Variants in RAD51B observed in about 807,000 individuals in gnomAD.
RAD51B encodes DNA repair protein RAD51 homolog 2.
In RAD51B, 38 loss-of-function variants were observed where a neutral mutation model predicts 42.2. That is an observed-to-expected ratio of 0.90 (90% CI 0.70 to 1.18). The LOEUF is 1.18. RAD51B is among the 50% of genes most tolerant of loss of function. The pLI is 0.00. For missense variants in RAD51B, 373 were observed against 400.7 expected (o/e 0.93, Z 0.59); for synonymous variants, 154 against 145.2 (o/e 1.06, Z -0.43).
intron 8 of RAD51B, among the ~76,000 whole-genome samples, chr14:68,328,748 G>A (rs2082293096): frequency 6.6e-6 from 1 of 152,206 alleles, no homozygotes; most frequent in Admixed American, 6.5e-5. Context: ...CCAACCATAA[G>A]AATTTGGCCG....
intron 8 of RAD51B, among the ~76,000 whole-genome samples, chr14:68,394,297 A>C (rs1298704098): frequency 6.6e-6 from 1 of 152,244 alleles, no homozygotes; most frequent in African/African-American, 2.4e-5. Flanking sequence ...CCCTCCAGGA[A>C]GGACGGGCTC....
chr14:68,500,926 G>A (rs1215414325), intron 10 of RAD51B, among the ~76,000 whole-genome samples: 1 of 152,170 alleles, frequency 6.6e-6, no homozygotes, highest in Non-Finnish European at 1.5e-5. Context: ...CTCCTGTCCT[G>A]GGGCAAACTC....
intron 4 of RAD51B, among the ~76,000 whole-genome samples, chr14:67,856,087 T>C (rs970586355): frequency 6.6e-6 from 1 of 152,234 alleles, no homozygotes; most frequent in Non-Finnish European, 1.5e-5. Flanking sequence ...TGAATGATTA[T>C]ATCCCTTAAT....
At chr14:68,542,384 A>G (rs1434624378) in intron 10 of RAD51B, among the ~76,000 whole-genome samples, 2 of 152,182 alleles carry the variant, frequency 1.3e-5, no homozygotes, top group East Asian at 3.8e-4. Context: ...TACTACTAAT[A>G]TTATCTTTGA....
At chr14:68,305,764 A>G (rs1387801566) in intron 8 of RAD51B, among the ~76,000 whole-genome samples, 2 of 152,114 alleles carry the variant, frequency 1.3e-5, no homozygotes, top group African/African-American at 4.8e-5. Flanking sequence ...CCAGCAGACC[A>G]CCTCCATCAT....
intron 7 of RAD51B, among the ~76,000 whole-genome samples, chr14:68,207,227 T>C (rs774996574): frequency 1.5e-4 from 23 of 151,868 alleles, no homozygotes; most frequent in Non-Finnish European, 2.4e-4. Flanking sequence ...CACACACACA[T>C]ACATATATAT....
At chr14:68,041,213 C>T (rs986018851) in intron 7 of RAD51B, among the ~76,000 whole-genome samples, 5 of 152,204 alleles carry the variant, frequency 3.3e-5, no homozygotes, top group Non-Finnish European at 7.3e-5. Flanking sequence ...CCTCCTGCCA[C>T]AGTTGTAAGT....
Position 68,648,036 on chromosome 14 carries a change from T to TAC in RAD51B, c.1037-2740_1037-2739dup, listed in dbSNP as rs1555434118. ...ATATATATATACGTATATATATATATACACACGTATATAGATGTGTGTGTG... is the reference window on the plus strand; with the variant it reads ...ATATATATATACGTATATATATATATACACACACGTATATAGATGTGTGTGTG... On this transcript the variant is annotated intron_variant, in intron 10 of 11. Coordinates refer to the RAD51B transcript ENST00000488612. 4.0e-4 allele frequency among the ~76,000 whole-genome samples: 46 copies of TAC among 113,994 alleles called. 1 individual carries two copies. Among genetic ancestry groups the TAC allele is most frequent in the African/African-American group, 1.4e-3 (42 of 29,912 alleles). 74.8% of individuals were successfully genotyped at this position (113,994 alleles called of 152,430 possible).
intron 10 of RAD51B, chr14:68,497,065 C>CCTACTTT: frequency 7.6e-7 from 1 of 1,314,894 alleles, no homozygotes; most frequent in Non-Finnish European, 1.0e-6. Flanking sequence ...AGGCTTTATG[C>CCTACTTT]AAGCCTTCAA....
At chr14:68,433,039 C>A (rs1443553517) in intron 9 of RAD51B, among the ~76,000 whole-genome samples, 1 of 152,136 alleles carries the variant, frequency 6.6e-6, no homozygotes, top group Non-Finnish European at 1.5e-5. Flanking sequence ...AAATTCTGGG[C>A]TGAAAATTCT....
At chr14:68,640,300 A>G (rs1892431083) in intron 10 of RAD51B, among the ~76,000 whole-genome samples, 2 of 152,250 alleles carry the variant, frequency 1.3e-5, no homozygotes, top group South Asian at 4.1e-4. Flanking sequence ...TCTGGAATCC[A>G]GGAATAACCA....
chr14:68,301,684 C>T (rs796906612), intron 8 of RAD51B, among the ~76,000 whole-genome samples: 10 of 151,538 alleles, frequency 6.6e-5, no homozygotes, highest in African/African-American at 2.2e-4. Flanking sequence ...GCAACCTCCA[C>T]CTCCCACACT....
intron 7 of RAD51B, among the ~76,000 whole-genome samples, chr14:67,971,775 G>A (rs887247148): frequency 9.2e-5 from 14 of 151,864 alleles, no homozygotes; most frequent in Non-Finnish European, 1.3e-4. Flanking sequence ...TACTATGTAA[G>A]CACCATCTTA....
chr14:68,161,951 G>T (rs538278529), intron 7 of RAD51B, among the ~76,000 whole-genome samples: 2 of 152,322 alleles, frequency 1.3e-5, no homozygotes, highest in East Asian at 3.9e-4. Flanking sequence ...AGAGGTGAGT[G>T]TGGTGCTACT....
chr14:68,673,605 A>ACATACTGTACATACACATATGTACATG (rs1287056983), intron 11 of RAD51B, among the ~76,000 whole-genome samples: 2 of 54,090 alleles, frequency 3.7e-5, no homozygotes, highest in African/African-American at 2.5e-4. Context: ...ATGTACATGC[A>ACATACTGTACATACACATATGTACATG]CACACACACG....
At chr14:68,098,840 G>A (rs1466013375) in intron 7 of RAD51B, among the ~76,000 whole-genome samples, 1 of 152,182 alleles carries the variant, frequency 6.6e-6, no homozygotes, top group African/African-American at 2.4e-5. Flanking sequence ...ATCTAAAGAG[G>A]GAGCCTTTGA....
At chr14:68,183,676 G>A (rs994493771) in intron 7 of RAD51B, among the ~76,000 whole-genome samples, 13 of 152,132 alleles carry the variant, frequency 8.5e-5, no homozygotes, top group Admixed American at 7.2e-4. Context: ...GGCTAGGCAC[G>A]ATGGTTCACA....
chr14:68,210,097 C>T (rs529674900), intron 7 of RAD51B, among the ~76,000 whole-genome samples: 33 of 152,046 alleles, frequency 2.2e-4, no homozygotes, highest in Non-Finnish European at 2.9e-5. Context: ...GGAGCTAGGA[C>T]AACAGGCGTA....
chr14:68,506,441 A>G (rs1594923850), intron 10 of RAD51B, among the ~76,000 whole-genome samples: 1 of 152,312 alleles, frequency 6.6e-6, no homozygotes, highest in East Asian at 1.9e-4. Context: ...TGTTGCATGA[A>G]CGCCTGTTAG....
Sources: allele counts gnomAD v4.1 joint callset (sites outside exome capture counted in the v4.1 genomes callset), GRCh38; gene constraint gnomAD v4.1.1; transcripts MANE v1.5; gene names NCBI Gene and HGNC (gene_info 2026-07-23, HGNC 2026-07-21).